The following STARD13 variants were observed in gnomAD, a reference collection of about 807,000 sequenced individuals.
The protein encoded by STARD13 is stAR-related lipid transfer protein 13.
STARD13 carries 62 observed loss-of-function variants against 106.4 expected under a neutral mutation model. The observed-to-expected ratio is 0.58, with a 90% CI of 0.48 to 0.72. STARD13 has a LOEUF of 0.72. Ranked by LOEUF, STARD13 falls within the 30% of genes least tolerant of loss-of-function variation. STARD13 has a pLI of 0.00. For synonymous variants in STARD13, 565 were observed against 553.0 expected (o/e 1.02, Z -0.31); for missense variants, 1,387 against 1,424.0 (o/e 0.97, Z 0.42).
chr13:33,433,808 CTGTG>C, the STARD13 span, among the ~76,000 whole-genome samples: 9,936 of 152,098 alleles, frequency 0.065, 715 homozygotes, highest in African/African-American at 0.19. Context: ...TAGAAAATGG[CTGTG>C]TATTTGCCCC....
At chr13:33,343,882 T>G (rs1231191492), downstream of STARD13, among the ~76,000 whole-genome samples, 3 of 152,014 alleles carry the variant, frequency 2.0e-5, no homozygotes. Flanking sequence ...CCTGACCCTC[T>G]GTCTACACTT....
intron 3 of STARD13, among the ~76,000 whole-genome samples, chr13:33,142,948 G>A (rs1593953506): frequency 6.6e-6 from 1 of 152,266 alleles, no homozygotes; most frequent in Admixed American, 6.5e-5. Flanking sequence ...AAGGGTAAAG[G>A]GGTCTACCAG....
chr13:33,145,617 C>A (rs919430305), intron 3 of STARD13, among the ~76,000 whole-genome samples: 1 of 151,978 alleles, frequency 6.6e-6, no homozygotes, highest in Non-Finnish European at 1.5e-5. Flanking sequence ...AGAAATGGCC[C>A]AAATGTCCAT....
At chr13:33,597,444 T>C in the STARD13 span, among the ~76,000 whole-genome samples, 1 of 152,124 alleles carries the variant, frequency 6.6e-6, no homozygotes. Context: ...CTCTAATGTG[T>C]TTCTACATTC....
the STARD13 span, among the ~76,000 whole-genome samples, chr13:33,574,045 G>A: frequency 1.3e-5 from 2 of 152,170 alleles, no homozygotes; most frequent in Non-Finnish European, 2.9e-5. Flanking sequence ...AGATGATACA[G>A]GAGTGTGACA....
the STARD13 span, among the ~76,000 whole-genome samples, chr13:33,669,612 T>A: frequency 6.8e-6 from 1 of 147,374 alleles, no homozygotes; most frequent in Non-Finnish European, 1.5e-5. Flanking sequence ...CTCAGCTCAC[T>A]GCAACCTCTG....
chr13:33,449,546 A>G, the STARD13 span, among the ~76,000 whole-genome samples: 1 of 152,126 alleles, frequency 6.6e-6, no homozygotes, highest in Admixed American at 6.6e-5. Flanking sequence ...TAATGTCACC[A>G]GGTTTATTCT....
intron 1 of STARD13, among the ~76,000 whole-genome samples, chr13:33,212,854 G>T (rs1246581111): frequency 1.3e-5 from 2 of 152,110 alleles, no homozygotes; most frequent in African/African-American, 4.8e-5. Context: ...TGAGAAAAAA[G>T]TTACCTTTCC....
the STARD13 span, among the ~76,000 whole-genome samples, chr13:33,673,972 T>C: frequency 3.3e-5 from 5 of 151,828 alleles, no homozygotes; most frequent in African/African-American, 1.2e-4. Context: ...GCAGTTCTCC[T>C]GCCTCAGCCT....
At chr13:33,140,336 C>T (rs1190823277) in intron 4 of STARD13, among the ~76,000 whole-genome samples, 1 of 152,244 alleles carries the variant, frequency 6.6e-6, no homozygotes, top group East Asian at 1.9e-4. Context: ...GACACACAGG[C>T]ATGGCTGTGT....
intron 4 of STARD13, chr13:33,138,865 T>G (rs1359566402): frequency 4.2e-6 from 2 of 478,870 alleles, no homozygotes; most frequent in South Asian, 3.0e-5. Flanking sequence ...TTTTCTCTTC[T>G]GCAAAACAGT....
At chr13:33,199,526 A>G (rs1243040734) in intron 1 of STARD13, among the ~76,000 whole-genome samples, 1 of 152,248 alleles carries the variant, frequency 6.6e-6, no homozygotes, top group Non-Finnish European at 1.5e-5. Context: ...AGTTTAAGCC[A>G]ACATGAAGCA....
At chr13:33,520,011 T>C in the STARD13 span, 1 of 152,192 alleles carries the variant, frequency 6.6e-6, no homozygotes, top group Non-Finnish European at 1.5e-5. Context: ...CTCATAGATA[T>C]CCAGTCATTT....
intron 1 of STARD13, among the ~76,000 whole-genome samples, chr13:33,267,178 G>T (rs4941747): frequency 6.6e-6 from 1 of 151,922 alleles, no homozygotes; most frequent in Non-Finnish European, 1.5e-5. Context: ...TTTCACAAAA[G>T]GGAGAGGGTT....
At chr13:33,307,217 A>G (rs966168046) in intron 1 of STARD13, among the ~76,000 whole-genome samples, 1 of 152,200 alleles carries the variant, frequency 6.6e-6, no homozygotes, top group Admixed American at 6.5e-5. Flanking sequence ...GGGGATGCAA[A>G]TTAGTTCAAT....
chr13:33,563,248 C>A, the STARD13 span, among the ~76,000 whole-genome samples: 1 of 146,638 alleles, frequency 6.8e-6, no homozygotes, highest in Non-Finnish European at 1.5e-5. Flanking sequence ...TATATGGAAC[C>A]ACCAAAGACC....
At chr13:33,213,098 T>C (rs1887819303) in intron 1 of STARD13, among the ~76,000 whole-genome samples, 1 of 152,194 alleles carries the variant, frequency 6.6e-6, no homozygotes, top group African/African-American at 2.4e-5. Context: ...ATCTGTAACA[T>C]GAGGGCTCTG....
intron 3 of STARD13, among the ~76,000 whole-genome samples, chr13:33,151,955 A>G (rs1300568575): frequency 6.6e-6 from 1 of 152,220 alleles, no homozygotes; most frequent in Admixed American, 6.5e-5. Flanking sequence ...TTTGCTGAAC[A>G]TGCCGTTAAA....
intron 6 of STARD13, among the ~76,000 whole-genome samples, chr13:33,126,938 A>G (rs939032632): frequency 2.0e-5 from 3 of 152,236 alleles, no homozygotes; most frequent in Non-Finnish European, 2.9e-5. Context: ...CTATTTGCCA[A>G]TGAAATAAAA....
Sources: gnomAD v4.1 joint callset for allele counts (sites outside exome capture counted in the v4.1 genomes callset) on GRCh38, gnomAD v4.1.1 for gene constraint, MANE v1.5 for transcripts, NCBI Gene and HGNC (gene_info 2026-07-23, HGNC 2026-07-21) for gene names.